Variants in EPHA5 observed in about 807,000 individuals in gnomAD.
The protein encoded by EPHA5 is ephrin type-A receptor 5.
In EPHA5, 60 loss-of-function variants were observed where a neutral mutation model predicts 105.0. That is an observed-to-expected ratio of 0.57 (90% CI 0.46 to 0.71). The LOEUF is 0.71. Ranked by LOEUF, EPHA5 falls within the 30% of genes least tolerant of loss-of-function variation. EPHA5 has a pLI of 0.00. For missense variants in EPHA5, 1,218 were observed against 1,274.7 expected (o/e 0.96, Z 0.68); for synonymous variants, 513 against 449.1 (o/e 1.14, Z -1.80).
chr4:65,465,982 A>G (rs1728680356), intron 5 of EPHA5, among the ~76,000 whole-genome samples: 1 of 152,228 alleles, frequency 6.6e-6, no homozygotes, highest in Non-Finnish European at 1.5e-5. Flanking sequence ...TTACATTCTC[A>G]CACTTTCAAG....
chr4:65,490,927 C>A (rs2149215313), intron 4 of EPHA5, among the ~76,000 whole-genome samples: 1 of 152,160 alleles, frequency 6.6e-6, no homozygotes, highest in South Asian at 2.1e-4. Flanking sequence ...AACACTAGTT[C>A]AGTAAAAGCA....
intron 5 of EPHA5, among the ~76,000 whole-genome samples, chr4:65,458,317 T>A (rs1727807184): frequency 6.6e-6 from 1 of 152,104 alleles, no homozygotes; most frequent in Non-Finnish European, 1.5e-5. Flanking sequence ...CTCCAAAATC[T>A]TATATCAATT....
chr4:65,486,037 G>C (rs1180715208), intron 5 of EPHA5, among the ~76,000 whole-genome samples: 1 of 152,112 alleles, frequency 6.6e-6, no homozygotes, highest in Non-Finnish European at 1.5e-5. Context: ...GAAAAGAAAA[G>C]AGAAGAGACT....
chr4:65,387,562 C>T (rs1223098265), intron 8 of EPHA5, among the ~76,000 whole-genome samples: 1 of 151,824 alleles, frequency 6.6e-6, no homozygotes, highest in Non-Finnish European at 1.5e-5. Context: ...AATAATACAT[C>T]ATTAAGCCTT....
chr4:65,544,866 C>T (rs1407518555), intron 3 of EPHA5, among the ~76,000 whole-genome samples: 2 of 151,226 alleles, frequency 1.3e-5, no homozygotes, highest in Non-Finnish European at 2.9e-5. Flanking sequence ...AAATGTGGTA[C>T]ATATACACCA....
At chr4:65,365,689 A>ATATATATATATATATAT (rs765636669) in intron 10 of EPHA5, among the ~76,000 whole-genome samples, 4 of 93,808 alleles carry the variant, frequency 4.3e-5, no homozygotes, top group Non-Finnish European at 9.7e-5. Context: ...ATATATATAT[A>ATATATATATATATATAT]GTGAAACATT....
chr4:65,503,595 T>C (rs1287331421), intron 3 of EPHA5, among the ~76,000 whole-genome samples: 1 of 151,722 alleles, frequency 6.6e-6, no homozygotes. Flanking sequence ...TCACCAAATA[T>C]TGGCAGAAAT....
At chr4:65,587,127 C>T (rs750600433) in intron 3 of EPHA5, among the ~76,000 whole-genome samples, 9 of 152,058 alleles carry the variant, frequency 5.9e-5, no homozygotes, top group Non-Finnish European at 1.2e-4. Context: ...AAAGTCTCCT[C>T]CAGTCAGAAA....
chr4:65,505,233 T>G (rs1213890153), intron 3 of EPHA5, among the ~76,000 whole-genome samples: 3 of 152,054 alleles, frequency 2.0e-5, no homozygotes, highest in Admixed American at 2.0e-4. Flanking sequence ...GCATTATGCC[T>G]TCTCTACTCT....
chr4:65,384,181 C>A (rs773763255), intron 8 of EPHA5, among the ~76,000 whole-genome samples: 4 of 151,880 alleles, frequency 2.6e-5, no homozygotes, highest in African/African-American at 9.7e-5. Flanking sequence ...CATACCCATG[C>A]GCCTTTTTCC....
At chr4:65,576,827 G>A (rs1741103742) in intron 3 of EPHA5, among the ~76,000 whole-genome samples, 1 of 152,154 alleles carries the variant, frequency 6.6e-6, no homozygotes, top group Non-Finnish European at 1.5e-5. Flanking sequence ...AGTTCAACAA[G>A]TTAGGACAGG....
chr4:65,348,282 C>A (rs2148843844), intron 13 of EPHA5, 79 bp from the exon 14 acceptor site: 1 of 1,307,208 alleles, frequency 7.6e-7, no homozygotes, highest in Non-Finnish European at 1.1e-6. Flanking sequence ...CTGAAAAGAT[C>A]TAGACAGAGA....
chr4:65,585,039 T>C (rs935412259), intron 3 of EPHA5, among the ~76,000 whole-genome samples: 2 of 151,830 alleles, frequency 1.3e-5, no homozygotes, highest in Non-Finnish European at 2.9e-5. Flanking sequence ...CCAGCTCCAG[T>C]ACTTACCAAC....
intron 1 of EPHA5, among the ~76,000 whole-genome samples, chr4:65,656,955 T>TG (rs1560830015): frequency 3.5e-4 from 39 of 112,520 alleles, no homozygotes; most frequent in Admixed American, 8.7e-4. Flanking sequence ...GTGTGTGTGT[T>TG]TTTTTTTTTT....
intron 3 of EPHA5, among the ~76,000 whole-genome samples, chr4:65,568,538 C>A (rs1239377258): frequency 6.6e-6 from 1 of 150,840 alleles, no homozygotes; most frequent in African/African-American, 2.4e-5. Context: ...AACAACAACG[C>A]ATCCCTTTTT....
chr4:65,438,174 G>T (rs912395150), intron 5 of EPHA5, among the ~76,000 whole-genome samples: 3 of 151,836 alleles, frequency 2.0e-5, no homozygotes, highest in Non-Finnish European at 2.9e-5. Flanking sequence ...CATTTAAAAT[G>T]CTATTGATTT....
At position 65,610,731 on chromosome 4, in the gene EPHA5, G is replaced by A. The variant is rs995509845; in HGVS notation, c.247-8427C>T. 3.3e-5 allele frequency among the ~76,000 whole-genome samples: 5 copies of A among 151,964 alleles called. No individual in the cohort carries two copies. In the East Asian group the frequency reaches 9.6e-4, roughly 29 times the overall value. On this transcript the variant is annotated intron_variant, in intron 2 of 16. Coordinates refer to ENST00000613740, the MANE Select transcript of EPHA5 (RefSeq NM_001281766.3). ...TGATCTCATTATTGTTTTATAAAAA[G>A]CAACCCTATTGTATAGGGTACATGT... is the stretch of plus-strand genomic sequence containing the variant.
Position 65,336,632 on chromosome 4 carries a change from G to A in EPHA5, c.2596-507C>T, listed in dbSNP as rs139783802. 2.0e-5 allele frequency among the ~76,000 whole-genome samples: 3 copies of A among 152,162 alleles called. No individual in the cohort carries two copies. In the East Asian group the frequency reaches 5.8e-4, roughly 30 times the overall value. ...AGTCAAAGGCTAAATTAGCATAACT[G>A]TCTCATGTATCATTTAATAATGTCA... On this transcript the variant is annotated intron_variant, in intron 14 of 16. Transcript: ENST00000613740.
Position 65,628,579 on chromosome 4 carries a change from T to C in EPHA5, c.246+14784A>G, listed in dbSNP as rs565384189. 5.9e-5 allele frequency among the ~76,000 whole-genome samples: 9 copies of C among 152,246 alleles called. No individual in the cohort carries two copies. The East Asian group carries it at 1.2e-3, about 20-fold the overall frequency. ...GATGTAAAAAATAAACGTTATAAGA[T>C]GAGATAAATGCAGCATACAGCCACC... is the stretch of plus-strand genomic sequence containing the variant. On this transcript the variant is annotated intron_variant, in intron 2 of 16. Coordinates refer to ENST00000613740, the MANE Select transcript of EPHA5 (RefSeq NM_001281766.3).
Sources: gnomAD v4.1 joint callset for allele counts (sites outside exome capture counted in the v4.1 genomes callset) on GRCh38, gnomAD v4.1.1 for gene constraint, MANE v1.5 for transcripts, NCBI Gene and HGNC (gene_info 2026-07-23, HGNC 2026-07-21) for gene names.